DNAJC1: variants seen among roughly 807,000 people sequenced by gnomAD.
DNAJC1 encodes the protein dnaJ homolog subfamily C member 1.
A neutral mutation model predicts 76.6 loss-of-function variants in DNAJC1; 58 were observed. That is an observed-to-expected ratio of 0.76 (90% CI 0.61 to 0.94). DNAJC1 has a LOEUF of 0.94. Ranked by LOEUF, DNAJC1 falls within the 40% of genes least tolerant of loss-of-function variation. DNAJC1 has a pLI of 0.00. For missense variants in DNAJC1, 689 were observed against 677.3 expected (o/e 1.02, Z -0.19); for synonymous variants, 258 against 267.9 (o/e 0.96, Z 0.36).
At position 21,920,833 on chromosome 10, in the gene DNAJC1, CATA is replaced by C; in HGVS notation, c.499_501del (p.Tyr167del). On this transcript the variant is annotated inframe_deletion, in exon 4 of 12. Transcript: ENST00000376980. Reference sequence around the variant, plus strand: ...TCCAGGTAGATTGACCAAACCACAGCATAATGACCCACTGTGAGAATAATGAAC... The same window carrying C: ...TCCAGGTAGATTGACCAAACCACAGCATGACCCACTGTGAGAATAATGAAC... The C allele has an allele frequency of 6.2e-7, 1 of 1,612,852 alleles. No individual in the cohort carries two copies. Among genetic ancestry groups the C allele is most frequent in the South Asian group, 1.1e-5 (1 of 90,922 alleles).
At chr10:21,837,383 T>C (rs1835479527) in intron 8 of DNAJC1, among the ~76,000 whole-genome samples, 2 of 151,360 alleles carry the variant, frequency 1.3e-5, no homozygotes, top group Admixed American at 1.3e-4. Flanking sequence ...TCGTCTGGGA[T>C]GTGAGGAGCC....
intron 1 of DNAJC1, among the ~76,000 whole-genome samples, chr10:21,998,283 G>C (rs751184465): frequency 6.6e-6 from 1 of 151,404 alleles, no homozygotes; most frequent in Non-Finnish European, 1.5e-5. Flanking sequence ...CCAGCTACTC[G>C]GGAGGCTGAG....
chr10:21,788,440 G>T (rs1284848528), intron 9 of DNAJC1, among the ~76,000 whole-genome samples: 1 of 152,160 alleles, frequency 6.6e-6, no homozygotes, highest in African/African-American at 2.4e-5. Flanking sequence ...CAAAGCAGTG[G>T]CTAAGCTCAG....
intron 9 of DNAJC1, among the ~76,000 whole-genome samples, chr10:21,771,227 T>C (rs1345482718): frequency 1.3e-5 from 2 of 152,244 alleles, no homozygotes; most frequent in African/African-American, 4.8e-5. Context: ...TATAAAATCA[T>C]GCCATCTGCA....
chr10:21,855,247 T>C (rs1835815958), intron 8 of DNAJC1, among the ~76,000 whole-genome samples: 2 of 152,222 alleles, frequency 1.3e-5, no homozygotes, highest in African/African-American at 4.8e-5. Flanking sequence ...GGCCCTTTTC[T>C]GTCACGATGA....
intron 8 of DNAJC1, among the ~76,000 whole-genome samples, chr10:21,835,036 G>T (rs1351078263): frequency 1.3e-5 from 2 of 152,198 alleles, no homozygotes; most frequent in Non-Finnish European, 2.9e-5. Flanking sequence ...CTCCTCAAGT[G>T]GGTCCCTGAT....
chr10:21,940,524 G>A (rs1718577184), intron 1 of DNAJC1, among the ~76,000 whole-genome samples: 1 of 152,114 alleles, frequency 6.6e-6, no homozygotes, highest in South Asian at 2.1e-4. Flanking sequence ...ATGATTTCTT[G>A]ACAAATAAGA....
At chr10:21,877,338 G>A (rs1056703489) in intron 8 of DNAJC1, among the ~76,000 whole-genome samples, 4 of 151,184 alleles carry the variant, frequency 2.6e-5, no homozygotes, top group African/African-American at 7.3e-5. Context: ...CACCAAATAA[G>A]GAAAAGGCAG....
At chr10:21,890,305 G>A (rs908143325) in intron 7 of DNAJC1, among the ~76,000 whole-genome samples, 15 of 151,522 alleles carry the variant, frequency 9.9e-5, no homozygotes, top group Non-Finnish European at 1.0e-4. Flanking sequence ...CCCAGCTACC[G>A]GGGAGGCTGA....
intron 1 of DNAJC1, among the ~76,000 whole-genome samples, chr10:21,987,577 T>C (rs764775294): frequency 6.6e-6 from 1 of 152,152 alleles, no homozygotes; most frequent in East Asian, 1.9e-4. Context: ...TTATTGATCA[T>C]AGACAACAAA....
intron 1 of DNAJC1, among the ~76,000 whole-genome samples, chr10:21,942,591 G>T (rs958012917): frequency 1.3e-5 from 2 of 151,990 alleles, no homozygotes; most frequent in African/African-American, 4.8e-5. Context: ...CAGATCACGA[G>T]GTAAGGAGAT....
At chr10:21,838,865 G>A (rs1330032399) in intron 8 of DNAJC1, among the ~76,000 whole-genome samples, 1 of 152,146 alleles carries the variant, frequency 6.6e-6, no homozygotes, top group African/African-American at 2.4e-5. Context: ...GCACTCTTCA[G>A]CAAATGTAAA....
chr10:21,854,665 G>C (rs151210643), intron 8 of DNAJC1, among the ~76,000 whole-genome samples: 145 of 152,210 alleles, frequency 9.5e-4, no homozygotes, highest in African/African-American at 3.4e-3. Flanking sequence ...AGCATTCTCA[G>C]ATTTCAAAGC....
chr10:21,837,153 T>C (rs536131680), intron 8 of DNAJC1, among the ~76,000 whole-genome samples: 1 of 152,350 alleles, frequency 6.6e-6, no homozygotes, highest in South Asian at 2.1e-4. Flanking sequence ...CCGCGAGTGA[T>C]CTGCCAGCCT....
intron 8 of DNAJC1, among the ~76,000 whole-genome samples, chr10:21,825,073 G>A (rs767145998): frequency 3.9e-5 from 6 of 152,140 alleles, no homozygotes; most frequent in East Asian, 1.9e-4. Flanking sequence ...TGCCACGCCC[G>A]GCCAACTATT....
chr10:21,996,925 A>C (rs1838423979), intron 1 of DNAJC1, among the ~76,000 whole-genome samples: 1 of 152,222 alleles, frequency 6.6e-6, no homozygotes, highest in South Asian at 2.1e-4. Context: ...AACGCTATGC[A>C]TGCCTACATC....
intron 1 of DNAJC1, among the ~76,000 whole-genome samples, chr10:21,953,570 T>C (rs572068185): frequency 6.6e-6 from 1 of 151,760 alleles, no homozygotes; most frequent in African/African-American, 2.4e-5. Context: ...ATATAAAATA[T>C]GCATTTGGAA....
At chr10:21,862,771 A>T (rs1835936820) in intron 8 of DNAJC1, among the ~76,000 whole-genome samples, 2 of 152,076 alleles carry the variant, frequency 1.3e-5, no homozygotes, top group Admixed American at 1.3e-4. Flanking sequence ...GGAAATTTAA[A>T]GCATTAACAC....
Position 21,925,118 on chromosome 10 carries a change from C to T in DNAJC1, c.371+3388G>A, listed in dbSNP as rs71490401. ...CAGCATCACAAGTAGCTCAAGCAATCCTCCCATCTCAGCCACCCAAGTAGT... is the reference window on the plus strand; with the variant it reads ...CAGCATCACAAGTAGCTCAAGCAATTCTCCCATCTCAGCCACCCAAGTAGT... On this transcript the variant is annotated intron_variant, in intron 3 of 11. Transcript: ENST00000376980. Among the ~76,000 whole-genome samples, 1,343 of 152,178 alleles carry T rather than the reference C, an allele frequency of 8.8e-3. 8 individuals carry two copies. The highest frequency in any genetic ancestry group is 0.037 in the Middle Eastern group (11 of 294).
Sources: allele counts gnomAD v4.1 joint callset (sites outside exome capture counted in the v4.1 genomes callset), GRCh38; gene constraint gnomAD v4.1.1; transcripts MANE v1.5; gene names NCBI Gene and HGNC (gene_info 2026-07-23, HGNC 2026-07-21).